The following KAZN variants were observed in gnomAD, a reference collection of about 807,000 sequenced individuals.
KAZN encodes the protein kazrin.
In KAZN, 40 loss-of-function variants were observed where a neutral mutation model predicts 87.4. The ratio of observed to expected loss-of-function variants is 0.46; its 90% CI spans 0.36 to 0.60. The LOEUF (loss-of-function observed/expected upper bound fraction) is 0.60, where lower values mean the gene tolerates loss of function less well. Ranked by LOEUF, KAZN falls within the 20% of genes least tolerant of loss-of-function variation. The probability of loss-of-function intolerance (pLI) is 0.00; values close to 1 mark genes in which losing one functional copy is unlikely to be tolerated. For missense variants in KAZN, 898 were observed against 1,073.9 expected (o/e 0.84, Z 2.29); for synonymous variants, 466 against 458.3 (o/e 1.02, Z -0.22).
At chr1:14,302,918 T>C (rs1416626) in intron 2 of KAZN, among the ~76,000 whole-genome samples, 94,269 of 152,030 alleles carry the variant, frequency 0.62, 29,376 homozygotes, top group Middle Eastern at 0.7. Context: ...CTGGAACTGG[T>C]TGGGGTTACC....
chr1:14,846,354 A>G (rs1215581234), intron 1 of KAZN, among the ~76,000 whole-genome samples: 2 of 152,190 alleles, frequency 1.3e-5, no homozygotes, highest in Non-Finnish European at 2.9e-5. Context: ...CGATCTAGGT[A>G]TAACCCAAGT....
At chr1:14,636,470 G>A (rs1458064343) in intron 1 of KAZN, among the ~76,000 whole-genome samples, 1 of 152,188 alleles carries the variant, frequency 6.6e-6, no homozygotes, top group Non-Finnish European at 1.5e-5. Flanking sequence ...GAGCATTTCT[G>A]CCTCTCCTAT....
chr1:14,370,196 G>A (rs547502357), intron 2 of KAZN, among the ~76,000 whole-genome samples: 1 of 152,234 alleles, frequency 6.6e-6, no homozygotes, highest in Non-Finnish European at 1.5e-5. Context: ...GGGAGAGCAG[G>A]GTTGGGAGGT....
intron 1 of KAZN, among the ~76,000 whole-genome samples, chr1:14,951,105 T>C (rs1325796383): frequency 6.6e-6 from 1 of 152,116 alleles, no homozygotes; most frequent in Non-Finnish European, 1.5e-5. Flanking sequence ...TGTGAAAGGC[T>C]CAGAAAGCAT....
chr1:13,912,315 G>T (rs1233873440), intron 1 of KAZN, among the ~76,000 whole-genome samples: 2 of 152,090 alleles, frequency 1.3e-5, no homozygotes, highest in Non-Finnish European at 2.9e-5. Flanking sequence ...GCTTTATCTG[G>T]CCTCTGCTGA....
intron 1 of KAZN, among the ~76,000 whole-genome samples, chr1:14,112,546 A>G (rs1184380582): frequency 2.0e-5 from 3 of 152,192 alleles, no homozygotes; most frequent in Non-Finnish European, 4.4e-5. Flanking sequence ...TCACCCTTGT[A>G]TGATCACTTC....
Position 14,040,103 on chromosome 1 carries a change from GAC to G in KAZN, c.92-140330_92-140329del, listed in dbSNP as rs199996349. 1.4e-3 allele frequency among the ~76,000 whole-genome samples: 119 copies of G among 83,128 alleles called. 1 individual carries two copies. The East Asian group carries it at 0.023, about 16-fold the overall frequency. The allele number at this position is 83,128 out of a possible 152,430, so 54.5% of individuals were successfully genotyped here. On this transcript the variant is annotated intron_variant, in intron 1 of 16. Transcript: ENST00000636203. ...CACGTGTGTGTGTGAGAGAGAGAGA[GAC>G]AGAGAGAGAGAGGTTTTTTTTCTGC...
intron 1 of KAZN, among the ~76,000 whole-genome samples, chr1:13,963,294 G>A (rs996929912): frequency 9.2e-5 from 14 of 152,110 alleles, no homozygotes; most frequent in African/African-American, 3.4e-4. Context: ...AGGGAGGCAG[G>A]TTAAGGGAAA....
intron 1 of KAZN, among the ~76,000 whole-genome samples, chr1:13,983,925 C>T (rs2101088075): frequency 6.6e-6 from 1 of 152,214 alleles, no homozygotes; most frequent in South Asian, 2.1e-4. Context: ...TTATACTTCT[C>T]AACTTAAGCT....
At chr1:15,060,130 GT>G (rs1557767561) in intron 5 of KAZN, 41 bp from the exon 6 acceptor site, 1 of 1,611,458 alleles carries the variant, frequency 6.2e-7, no homozygotes, top group South Asian at 1.1e-5. Flanking sequence ...AGGCGAGGAC[GT>G]TCTCTCCATC....
intron 2 of KAZN, among the ~76,000 whole-genome samples, chr1:15,017,222 C>T (rs1339422660): frequency 6.6e-6 from 1 of 150,754 alleles, no homozygotes; most frequent in Non-Finnish European, 1.5e-5. Flanking sequence ...TGCTTGAACC[C>T]AGGAGACAGA....
At chr1:14,900,435 C>T (rs1655734865) in intron 1 of KAZN, among the ~76,000 whole-genome samples, 1 of 152,048 alleles carries the variant, frequency 6.6e-6, no homozygotes, top group African/African-American at 2.4e-5. Context: ...CCCATAGGGT[C>T]ATCAGAAGGA....
At chr1:15,095,174 C>T (rs1479322491) in intron 10 of KAZN, among the ~76,000 whole-genome samples, 1 of 152,196 alleles carries the variant, frequency 6.6e-6, no homozygotes, top group Non-Finnish European at 1.5e-5. Context: ...GCCCCAAAGG[C>T]CCTAGTACAC....
chr1:15,085,871 G>T (rs1169345223), intron 8 of KAZN, among the ~76,000 whole-genome samples: 2 of 152,166 alleles, frequency 1.3e-5, no homozygotes, highest in Non-Finnish European at 2.9e-5. Flanking sequence ...TTCAAAAAAA[G>T]GAGTCCAGAG....
At chr1:14,852,499 TC>T in intron 1 of KAZN, among the ~76,000 whole-genome samples, 1 of 151,854 alleles carries the variant, frequency 6.6e-6, no homozygotes, top group African/African-American at 2.4e-5. Context: ...CCCAGCCCCC[TC>T]CCCACCTGCA....
At chr1:14,417,439 A>C (rs772210596) in intron 2 of KAZN, among the ~76,000 whole-genome samples, 14 of 152,176 alleles carry the variant, frequency 9.2e-5, no homozygotes, top group Non-Finnish European at 2.1e-4. Context: ...AGAAAGGTGA[A>C]CTAAGAAGCC....
chr1:14,499,494 C>T (rs1670125432), intron 2 of KAZN, among the ~76,000 whole-genome samples: 3 of 152,090 alleles, frequency 2.0e-5, no homozygotes, highest in East Asian at 1.9e-4. Flanking sequence ...TGGCTGTGGG[C>T]GCCAGGATTG....
chr1:14,740,531 A>G (rs1045209093), intron 1 of KAZN, among the ~76,000 whole-genome samples: 4 of 151,446 alleles, frequency 2.6e-5, no homozygotes, highest in African/African-American at 9.7e-5. Context: ...ATTCCATCCT[A>G]TCCTCTGCCT....
chr1:14,537,166 GA>G (rs1672553554), intron 2 of KAZN, among the ~76,000 whole-genome samples: 1 of 152,174 alleles, frequency 6.6e-6, no homozygotes, highest in Non-Finnish European at 1.5e-5. Flanking sequence ...ACCGTCCACA[GA>G]GCCTGAATTT....
Sources: allele counts gnomAD v4.1 joint callset (sites outside exome capture counted in the v4.1 genomes callset), GRCh38; gene constraint gnomAD v4.1.1; transcripts MANE v1.5; gene names NCBI Gene and HGNC (gene_info 2026-07-23, HGNC 2026-07-21).